DLGAP2: variants seen among roughly 807,000 people sequenced by gnomAD.
DLGAP2 encodes DLG associated protein 2, also known as disks large-associated protein 2.
DLGAP2 carries 26 observed loss-of-function variants against 100.3 expected under a neutral mutation model. The observed-to-expected ratio is 0.26, with a 90% CI of 0.19 to 0.36. The LOEUF is 0.36. DLGAP2 is among the 10% of genes least tolerant of loss of function. The probability of loss-of-function intolerance (pLI) is 1.00; values close to 1 mark genes in which losing one functional copy is unlikely to be tolerated. For synonymous variants in DLGAP2, 886 were observed against 630.1 expected (o/e 1.41, Z -6.08); for missense variants, 1,858 against 1,453.2 (o/e 1.28, Z -4.53).
intron 1 of DLGAP2, among the ~76,000 whole-genome samples, chr8:876,171 A>T (rs762734004): frequency 6.6e-6 from 1 of 152,168 alleles, no homozygotes; most frequent in Non-Finnish European, 1.5e-5. Context: ...AGTTAGGAGG[A>T]CAGAAAATAT....
chr8:1,080,986 G>C (rs1803787954), intron 2 of DLGAP2, among the ~76,000 whole-genome samples: 3 of 152,052 alleles, frequency 2.0e-5, no homozygotes, highest in Admixed American at 6.6e-5. Context: ...AAAATTATAT[G>C]CATATTACCT....
At chr8:940,134 G>A (rs1799160873) in intron 2 of DLGAP2, among the ~76,000 whole-genome samples, 1 of 152,058 alleles carries the variant, frequency 6.6e-6, no homozygotes, top group Non-Finnish European at 1.5e-5. Context: ...GGGGCGTGGG[G>A]CCTGAAGACA....
intron 3 of DLGAP2, among the ~76,000 whole-genome samples, chr8:1,377,136 C>T (rs940964366): frequency 2.6e-5 from 4 of 152,176 alleles, no homozygotes; most frequent in African/African-American, 4.8e-5. Flanking sequence ...AGGAAGTCCT[C>T]GGGGCCCAGC....
intron 1 of DLGAP2, among the ~76,000 whole-genome samples, chr8:816,921 A>G (rs1796491068): frequency 6.6e-6 from 1 of 152,234 alleles, no homozygotes; most frequent in African/African-American, 2.4e-5. Flanking sequence ...TGAGTGGATC[A>G]CAAGGTCAGG....
intron 1 of DLGAP2, among the ~76,000 whole-genome samples, chr8:809,800 A>G (rs1796338238): frequency 6.6e-6 from 1 of 152,146 alleles, no homozygotes; most frequent in African/African-American, 2.4e-5. Flanking sequence ...CCGGTGTCCT[A>G]AGGTGATGAG....
intron 5 of DLGAP2, among the ~76,000 whole-genome samples, chr8:1,552,352 A>G (rs1166133809): frequency 6.6e-6 from 1 of 151,868 alleles, no homozygotes; most frequent in Admixed American, 6.6e-5. Flanking sequence ...CAGTGAAACC[A>G]CCTCTTCGGG....
At chr8:1,210,214 C>T (rs931122499) in intron 2 of DLGAP2, among the ~76,000 whole-genome samples, 2 of 152,144 alleles carry the variant, frequency 1.3e-5, no homozygotes, top group Non-Finnish European at 2.9e-5. Flanking sequence ...AGGGTCCCAT[C>T]CGTCCAGGGC....
At chr8:1,170,534 G>A (rs931521848) in intron 2 of DLGAP2, among the ~76,000 whole-genome samples, 11 of 150,452 alleles carry the variant, frequency 7.3e-5, no homozygotes, top group African/African-American at 2.2e-4. Flanking sequence ...TGGTTGGTAA[G>A]CTATTGATTA....
intron 2 of DLGAP2, among the ~76,000 whole-genome samples, chr8:962,018 A>G (rs941215355): frequency 3.3e-5 from 5 of 152,212 alleles, no homozygotes; most frequent in African/African-American, 1.2e-4. Flanking sequence ...GTTTCAGGCT[A>G]TAGTAGTTAG....
intron 2 of DLGAP2, among the ~76,000 whole-genome samples, chr8:1,051,174 A>G (rs1328524944): frequency 1.3e-5 from 2 of 152,098 alleles, no homozygotes; most frequent in African/African-American, 4.8e-5. Flanking sequence ...CTTCCTGGGC[A>G]ACATTGTCAG....
chr8:1,142,101 T>C (rs532914330), intron 2 of DLGAP2, among the ~76,000 whole-genome samples: 32 of 151,830 alleles, frequency 2.1e-4, no homozygotes, highest in Middle Eastern at 6.9e-3. Context: ...GAAATTGCCA[T>C]TTTAGACAAT....
intron 2 of DLGAP2, among the ~76,000 whole-genome samples, chr8:1,253,385 C>T (rs1338657208): frequency 2.6e-5 from 4 of 152,286 alleles, no homozygotes; most frequent in East Asian, 1.9e-4. Flanking sequence ...GGAGGGAGGG[C>T]GGGTGCTGCG....
rs778202106 is a variant in DLGAP2, at chr8:1,633,000, C to G, written c.1764C>G (p.Pro588=). ...AGYSQDDECI[P]MMTPSDITST... is the part of the protein sequence containing the mutation. ...ACTCCCAAGATGACGAATGTATTCC[C>G]ATGATGACACCCTCTGACATCACCT... is the stretch of plus-strand genomic sequence containing the variant. The change falls in exon 8 of 15, where the codon CCC becomes CCG. Residue 588 remains proline (P), a synonymous_variant. Transcript: ENST00000637795. 6.2e-7 allele frequency: 1 copy of G among 1,614,012 alleles called. No homozygotes were observed. The highest frequency in any genetic ancestry group is 8.5e-7 in the Non-Finnish European group (1 of 1,179,898).
chr8:1,023,265 G>A (rs935131702), intron 2 of DLGAP2, among the ~76,000 whole-genome samples: 3 of 152,208 alleles, frequency 2.0e-5, no homozygotes, highest in South Asian at 2.1e-4. Flanking sequence ...CAGAAGTGGA[G>A]CTATCACGTA....
Position 1,698,080 on chromosome 8 carries a change from A to G in DLGAP2, c.2949+781A>G, listed in dbSNP as rs927597898. On this transcript the variant is annotated intron_variant, in intron 14 of 14. Coordinates refer to ENST00000637795, the MANE Select transcript of DLGAP2 (RefSeq NM_001346810.2). ...TGTTTGGTATCCAGCAAGGATGCACACCTGGGTCATGAGAACGAGAGCCAG... is the reference window on the plus strand; with the variant it reads ...TGTTTGGTATCCAGCAAGGATGCACGCCTGGGTCATGAGAACGAGAGCCAG... Among the ~76,000 whole-genome samples, 3 of 152,366 alleles carry G rather than the reference A, an allele frequency of 2.0e-5. No homozygotes were observed. The South Asian group carries it at 6.2e-4, about 32-fold the overall frequency.
intron 3 of DLGAP2, among the ~76,000 whole-genome samples, chr8:1,454,820 C>G (rs1268765546): frequency 1.3e-5 from 2 of 152,150 alleles, no homozygotes; most frequent in Non-Finnish European, 2.9e-5. Flanking sequence ...AGCACTCAGA[C>G]CTTCGATACC....
At chr8:1,502,096 C>A (rs1010613021) in intron 4 of DLGAP2, among the ~76,000 whole-genome samples, 4 of 152,320 alleles carry the variant, frequency 2.6e-5, no homozygotes, top group African/African-American at 9.6e-5. Flanking sequence ...ATAAAATCAA[C>A]GTCAAACCAC....
At chr8:827,582 G>A (rs115696753) in intron 1 of DLGAP2, among the ~76,000 whole-genome samples, 2 of 152,086 alleles carry the variant, frequency 1.3e-5, no homozygotes, top group African/African-American at 2.4e-5. Context: ...TTTCTGTTGT[G>A]CTTAGACAAG....
chr8:1,548,572 T>C lies in DLGAP2; in HGVS notation c.173-54T>C, dbSNP rs1043506442. The C allele has an allele frequency of 1.4e-5, 20 of 1,422,936 alleles. No homozygotes were observed. In the Admixed American group the frequency reaches 4.6e-4, roughly 33 times the overall value. 88.1% of individuals were successfully genotyped at this position (1,422,936 alleles called of 1,614,324 possible). A position where few individuals can be genotyped will look rare whatever the true frequency, so the allele number is the denominator to read the frequency against. ...GTGGGGGTCACATATTCCCCGCACC[T>C]GAGGGTTTCCGCCGCGCTTCCGGGT... On this transcript the variant is annotated intron_variant, in intron 4 of 14. Transcript: ENST00000637795.
Sources: allele counts gnomAD v4.1 joint callset (sites outside exome capture counted in the v4.1 genomes callset), GRCh38; gene constraint gnomAD v4.1.1; transcripts MANE v1.5; gene names NCBI Gene and HGNC (gene_info 2026-07-23, HGNC 2026-07-21).